ACTL8: variants seen among roughly 807,000 people sequenced by gnomAD.
ACTL8 encodes actin like 8.
In ACTL8, 3 loss-of-function variants were observed where a neutral mutation model predicts 9.3. That is an observed-to-expected ratio of 0.32 (90% CI 0.15 to 0.83). The LOEUF is 0.83. ACTL8 is among the 40% of genes least tolerant of loss of function. The pLI is 0.57. For missense variants in ACTL8, 381 were observed against 492.2 expected (o/e 0.77, Z 2.14); for synonymous variants, 224 against 205.9 (o/e 1.09, Z -0.75).
intron 1 of ACTL8, among the ~76,000 whole-genome samples, chr1:17,778,498 C>T (rs1047942540): frequency 6.6e-6 from 1 of 151,934 alleles, no homozygotes; most frequent in Admixed American, 6.6e-5. Flanking sequence ...GGGTGTGGCT[C>T]CTGATTCAGA....
chr1:17,759,371 C>T (rs1030720049), intron 1 of ACTL8, among the ~76,000 whole-genome samples: 5 of 152,244 alleles, frequency 3.3e-5, no homozygotes, highest in Non-Finnish European at 5.9e-5. Flanking sequence ...GTGCTGGCTG[C>T]TGCCGTGCTC....
chr1:17,775,371 G>A (rs1192827594), intron 1 of ACTL8, among the ~76,000 whole-genome samples: 1 of 151,812 alleles, frequency 6.6e-6, no homozygotes, highest in African/African-American at 2.4e-5. Flanking sequence ...GGAGGAGGAG[G>A]AGGAGGGTTG....
intron 1 of ACTL8, among the ~76,000 whole-genome samples, chr1:17,759,819 G>C (rs1369048914): frequency 2.6e-5 from 4 of 152,142 alleles, no homozygotes; most frequent in Admixed American, 2.6e-4. Context: ...TTTTGCTTCT[G>C]AGGGTCTCTT....
chr1:17,824,226 C>G (rs978857677), intron 2 of ACTL8, among the ~76,000 whole-genome samples: 1 of 152,160 alleles, frequency 6.6e-6, no homozygotes, highest in African/African-American at 2.4e-5. Context: ...GGATTGGCAA[C>G]CCAGTGAGCC....
At chr1:17,773,105 G>T (rs1219800537) in intron 1 of ACTL8, among the ~76,000 whole-genome samples, 1 of 152,240 alleles carries the variant, frequency 6.6e-6, no homozygotes, top group African/African-American at 2.4e-5. Context: ...CCCTCGAGAA[G>T]ATAGGGAGTT....
chr1:17,809,457 C>T (rs1417021206), intron 1 of ACTL8, among the ~76,000 whole-genome samples: 1 of 152,046 alleles, frequency 6.6e-6, no homozygotes, highest in Non-Finnish European at 1.5e-5. Flanking sequence ...GGTCCAGGGA[C>T]AGAGAGAAAG....
At chr1:17,822,514 C>T (rs1268151230) in intron 1 of ACTL8, among the ~76,000 whole-genome samples, 1 of 152,208 alleles carries the variant, frequency 6.6e-6, no homozygotes, top group Non-Finnish European at 1.5e-5. Context: ...CCTGCTTCTG[C>T]TGCTGTTGCT....
rs542883972 is a variant in ACTL8, at chr1:17,767,440, C to T, written c.-25+11936C>T. On this transcript the variant is annotated intron_variant, in intron 1 of 2. Coordinates refer to ENST00000375406, the MANE Select transcript of ACTL8 (RefSeq NM_030812.3). This position sits in a 1 kb window ranked among gnomAD's most constrained non-coding sequence, Gnocchi z 4.7. ...TTCTAAAGAGTCTCTTCTTAGATAT[C>T]GCTCTCTTCCCTTTCCTCCCGGACT... 4.6e-5 allele frequency among the ~76,000 whole-genome samples: 7 copies of T among 152,210 alleles called. No individual in the cohort carries two copies. In the South Asian group the frequency reaches 1.2e-3, roughly 27 times the overall value.
At chr1:17,809,513 C>T (rs1396119273) in intron 1 of ACTL8, among the ~76,000 whole-genome samples, 5 of 152,150 alleles carry the variant, frequency 3.3e-5, no homozygotes, top group Admixed American at 1.3e-4. Flanking sequence ...AGGTGAGCAG[C>T]AGGCAGGTGA....
rs183437614 is a variant in ACTL8, at chr1:17,803,206, C to T, written c.-24-19779C>T. 2.6e-5 allele frequency among the ~76,000 whole-genome samples: 4 copies of T among 151,614 alleles called. No individual in the cohort carries two copies. The East Asian group carries it at 7.8e-4, about 30-fold the overall frequency. ...TGTTTTATAAGGGGTTTCCCGCCCC[C>T]CCTTTTGCTCGGCACTTCTCCTTGC... On this transcript the variant is annotated intron_variant, in intron 1 of 2. Transcript: ENST00000375406.
At chr1:17,773,180 A>G (rs1352046229) in intron 1 of ACTL8, among the ~76,000 whole-genome samples, 1 of 152,186 alleles carries the variant, frequency 6.6e-6, no homozygotes, top group Non-Finnish European at 1.5e-5. Flanking sequence ...CTATGTGTTT[A>G]GGAGAAGCAG....
At chr1:17,784,499 A>G (rs2066181894) in intron 1 of ACTL8, among the ~76,000 whole-genome samples, 1 of 152,184 alleles carries the variant, frequency 6.6e-6, no homozygotes, top group Non-Finnish European at 1.5e-5. Flanking sequence ...CAAGTACCAT[A>G]TGTTTGGAAG....
chr1:17,774,326 C>T (rs117311104), intron 1 of ACTL8, among the ~76,000 whole-genome samples: 2,786 of 151,992 alleles, frequency 0.018, 74 homozygotes, highest in East Asian at 0.14. Context: ...GGGGTGGGGG[C>T]GGGGTGTAGG....
At chr1:17,761,226 C>T (rs184191819) in intron 1 of ACTL8, among the ~76,000 whole-genome samples, 1 of 151,866 alleles carries the variant, frequency 6.6e-6, no homozygotes, top group South Asian at 2.1e-4. Context: ...CCCTCCCGGC[C>T]TCCCAAAGTG....
At position 17,823,392 on chromosome 1, in the gene ACTL8, G is replaced by A. The variant is rs758151936; in HGVS notation, c.348+36G>A. The A allele has an allele frequency of 3.8e-5, 60 of 1,560,484 alleles. No homozygotes were observed. In the East Asian group the frequency reaches 4.3e-4, roughly 11 times the overall value. On this transcript the variant is annotated intron_variant, in intron 2 of 2. Coordinates refer to ENST00000375406, the MANE Select transcript of ACTL8 (RefSeq NM_030812.3). The surrounding 1 kb of genome is among the most constrained non-coding windows in gnomAD (Gnocchi z 5.3). ...CCGGGGCCTGCTCCCACTCGGGAGCGGGAAACAGACTGACACTATGTCTGG... is the reference window on the plus strand; with the variant it reads ...CCGGGGCCTGCTCCCACTCGGGAGCAGGAAACAGACTGACACTATGTCTGG...
At chr1:17,817,821 C>T (rs1035378389) in intron 1 of ACTL8, among the ~76,000 whole-genome samples, 2 of 152,266 alleles carry the variant, frequency 1.3e-5, no homozygotes, top group Middle Eastern at 3.4e-3. Flanking sequence ...CTGCCTCAGC[C>T]TCCTGAGTAG....
chr1:17,772,331 A>G (rs2066088523), intron 1 of ACTL8, among the ~76,000 whole-genome samples: 2 of 152,094 alleles, frequency 1.3e-5, no homozygotes, highest in African/African-American at 4.8e-5. Context: ...ACTTCCTTGT[A>G]AGGCTCACCT....
At chr1:17,763,252 G>A (rs2066020120) in intron 1 of ACTL8, among the ~76,000 whole-genome samples, 1 of 151,820 alleles carries the variant, frequency 6.6e-6, no homozygotes, top group Non-Finnish European at 1.5e-5. Flanking sequence ...GGGCTGGGGA[G>A]CGGGAGTGTG....
chr1:17,803,205 C>T (rs2066335957), intron 1 of ACTL8, among the ~76,000 whole-genome samples: 1 of 151,670 alleles, frequency 6.6e-6, no homozygotes, highest in Admixed American at 6.6e-5. Flanking sequence ...TTTCCCGCCC[C>T]CCCTTTTGCT....
Sources: gnomAD v4.1 joint callset for allele counts (sites outside exome capture counted in the v4.1 genomes callset) on GRCh38, gnomAD v4.1.1 for gene constraint, Gnocchi (gnomAD v3.1) non-coding constraint, MANE v1.5 for transcripts, NCBI Gene and HGNC (gene_info 2026-07-23, HGNC 2026-07-21) for gene names.